PCDHGA3: variants seen among roughly 807,000 people sequenced by gnomAD.
The protein encoded by PCDHGA3 is protocadherin gamma subfamily A, 3.
A neutral mutation model predicts 58.5 loss-of-function variants in PCDHGA3; 40 were observed. The ratio of observed to expected loss-of-function variants is 0.68; its 90% CI spans 0.53 to 0.89. The LOEUF (loss-of-function observed/expected upper bound fraction) is 0.89. Among genes scored for constraint, PCDHGA3 ranks in the 40% least tolerant of loss-of-function variants. PCDHGA3 has a pLI of 0.00. For synonymous variants in PCDHGA3, 530 were observed against 525.7 expected (o/e 1.01, Z -0.11); for missense variants, 1,223 against 1,195.9 (o/e 1.02, Z -0.33).
chr5:141,374,277 G>A, intron 1 of PCDHGA3: 4 of 1,613,958 alleles, frequency 2.5e-6, no homozygotes, highest in Non-Finnish European at 3.4e-6. Context: ...CACGGAGTCC[G>A]CATCGTCTCC....
At chr5:141,392,625 C>T (rs939952294) in intron 1 of PCDHGA3, 4 of 567,662 alleles carry the variant, frequency 7.0e-6, no homozygotes, top group Non-Finnish European at 8.9e-6. Context: ...CGAAAACACT[C>T]AGATCTCACA....
At chr5:141,510,286 A>G (rs1011677966) in intron 3 of PCDHGA3, among the ~76,000 whole-genome samples, 1 of 151,770 alleles carries the variant, frequency 6.6e-6, no homozygotes, top group African/African-American at 2.4e-5. Flanking sequence ...AAAAAAAAAA[A>G]AAAAATGCTG....
At position 141,351,166 on chromosome 5, in the gene PCDHGA3, A is replaced by G. The variant is rs530140667; in HGVS notation, c.2424+4709A>G. The G allele has an allele frequency of 2.5e-6, 4 of 1,614,052 alleles. No homozygotes were observed. The East Asian group carries it at 6.7e-5, about 27-fold the overall frequency. On this transcript the variant is annotated intron_variant, in intron 1 of 3. Transcript: ENST00000253812. ...CTGGCGACATCACAACCAATGGCACATTGGATTTTGAAGAGACAAGTAGAT... is the reference window on the plus strand; with the variant it reads ...CTGGCGACATCACAACCAATGGCACGTTGGATTTTGAAGAGACAAGTAGAT...
At chr5:141,374,123 G>A (rs1770158708) in intron 1 of PCDHGA3, 2 of 1,602,040 alleles carry the variant, frequency 1.2e-6, no homozygotes, top group Non-Finnish European at 8.5e-7. Context: ...CAGCGAGCAG[G>A]TCCTGCTCCT....
intron 1 of PCDHGA3, among the ~76,000 whole-genome samples, chr5:141,347,178 T>TCTTTCTTC (rs1206614279): frequency 1.6e-4 from 23 of 146,636 alleles, no homozygotes; most frequent in African/African-American, 9.9e-5. Context: ...TTTCTTTCTT[T>TCTTTCTTC]CTTGACAGGG....
chr5:141,376,538 T>C, intron 1 of PCDHGA3: 1 of 1,613,126 alleles, frequency 6.2e-7, no homozygotes, highest in African/African-American at 1.3e-5. Flanking sequence ...GCGGGAAGAG[T>C]AATCTGATCT....
At chr5:141,381,949 C>T (rs897929706) in intron 1 of PCDHGA3, among the ~76,000 whole-genome samples, 2 of 150,880 alleles carry the variant, frequency 1.3e-5, no homozygotes, top group Non-Finnish European at 2.9e-5. Context: ...CCTGCCTCAG[C>T]CTCCTGAGTA....
rs2099748976 is a variant in PCDHGA3, at chr5:141,493,566, C to G, written c.2425-1241C>G. Among the ~76,000 whole-genome samples, 1 of 152,168 alleles carries G rather than the reference C, an allele frequency of 6.6e-6. No individual in the cohort carries two copies. Among genetic ancestry groups the G allele is most frequent in the African/African-American group, 2.4e-5 (1 of 41,436 alleles). ...TTTTGGAGATTGAGTTCCCCCAGCT[C>G]CGTTTCCTCCTATCACAATCACTGC... is the stretch of plus-strand genomic sequence containing the variant. On this transcript the variant is annotated intron_variant, in intron 1 of 3. Transcript: ENST00000253812. The surrounding 1 kb of genome is among the most constrained non-coding windows in gnomAD (Gnocchi z 4.3).
chr5:141,443,244 G>A (rs1277982376), intron 1 of PCDHGA3, among the ~76,000 whole-genome samples: 4 of 151,542 alleles, frequency 2.6e-5, no homozygotes, highest in African/African-American at 9.7e-5. Flanking sequence ...ACTTTGGGGC[G>A]CCAAGGCGGG....
At chr5:141,492,933 A>G (rs935580560) in intron 1 of PCDHGA3, among the ~76,000 whole-genome samples, 3 of 152,194 alleles carry the variant, frequency 2.0e-5, no homozygotes, top group Admixed American at 6.5e-5. Flanking sequence ...CTAGGGTCAG[A>G]GATTTGGAGG....
chr5:141,365,353 T>C lies in PCDHGA3; in HGVS notation c.2424+18896T>C, dbSNP rs565922694. On this transcript the variant is annotated intron_variant, in intron 1 of 3. Coordinates refer to ENST00000253812, the MANE Select transcript of PCDHGA3 (RefSeq NM_018916.4). ...TGGTGGTCACAGTACAGGACGTGAA[T>C]GACAATGCCCCCGAAGTGATCCTCA... 7.4e-6 allele frequency: 12 copies of C among 1,613,980 alleles called. No individual in the cohort carries two copies. In the African/African-American group the frequency reaches 1.3e-4, roughly 18 times the overall value.
intron 1 of PCDHGA3, among the ~76,000 whole-genome samples, chr5:141,482,899 T>C (rs1238389686): frequency 1.3e-5 from 2 of 152,076 alleles, no homozygotes; most frequent in Non-Finnish European, 2.9e-5. Context: ...TGGTGAAACC[T>C]CATCTCTATT....
chr5:141,382,567 T>G (rs1778294618), intron 1 of PCDHGA3, among the ~76,000 whole-genome samples: 1 of 152,132 alleles, frequency 6.6e-6, no homozygotes, highest in African/African-American at 2.4e-5. Context: ...AGCAAAGAAA[T>G]CTAACAGGGA....
chr5:141,478,364 G>A (rs1382073187), intron 1 of PCDHGA3: 2 of 1,613,660 alleles, frequency 1.2e-6, no homozygotes, highest in African/African-American at 2.7e-5. Flanking sequence ...CGTGCGGGGA[G>A]GCCTGATGTC....
At position 141,495,662 on chromosome 5, in the gene PCDHGA3, C is replaced by T. The variant is rs545912968; in HGVS notation, c.2483+797C>T. The stretch of plus-strand genomic sequence containing the variant: ...TTTGTCTACTTGCATTGATCTGTGC[C>T]GCCCACTGTGCCTGCCATGGCATAA... On this transcript the variant is annotated intron_variant, in intron 2 of 3. Coordinates refer to ENST00000253812, the MANE Select transcript of PCDHGA3 (RefSeq NM_018916.4). Among the ~76,000 whole-genome samples, 8 of 152,256 alleles carry T rather than the reference C, an allele frequency of 5.3e-5. No individual in the cohort carries two copies. In the South Asian group the frequency reaches 6.2e-4, roughly 12 times the overall value.
At chr5:141,390,486 G>A (rs1348752991) in intron 1 of PCDHGA3, 3 of 649,258 alleles carry the variant, frequency 4.6e-6, no homozygotes, top group Non-Finnish European at 7.7e-6. Context: ...ACATTTGTTT[G>A]TTTTTTAGCC....
chr5:141,454,081 T>C (rs1009599234), intron 1 of PCDHGA3, among the ~76,000 whole-genome samples: 2 of 152,198 alleles, frequency 1.3e-5, no homozygotes, highest in African/African-American at 4.8e-5. Flanking sequence ...ATGTTTTCAG[T>C]GAAATTTGAA....
Position 141,490,121 on chromosome 5 carries a change from G to A in PCDHGA3, c.2425-4686G>A. On this transcript the variant is annotated intron_variant, in intron 1 of 3. Coordinates refer to ENST00000253812, the MANE Select transcript of PCDHGA3 (RefSeq NM_018916.4). The surrounding 1 kb of genome is among the most constrained non-coding windows in gnomAD (Gnocchi z 5.4). Reference sequence around the variant, plus strand: ...TCTGAGGCAGTGCGGAACCTCTTTGGCCTAGACCCTAGCAGTGGGGCAATC... The same window carrying A: ...TCTGAGGCAGTGCGGAACCTCTTTGACCTAGACCCTAGCAGTGGGGCAATC... 1 of 1,614,256 alleles carries A rather than the reference G, an allele frequency of 6.2e-7. No individual in the cohort carries two copies. Among genetic ancestry groups the A allele is most frequent in the Non-Finnish European group, 8.5e-7 (1 of 1,180,052 alleles).
rs759160174 is a variant in PCDHGA3, at chr5:141,385,062, G to T, written c.2424+38605G>T. 2.1e-5 allele frequency: 34 copies of T among 1,614,044 alleles called. No homozygotes were observed. In the South Asian group the frequency reaches 3.4e-4, roughly 16 times the overall value. On this transcript the variant is annotated intron_variant, in intron 1 of 3. Transcript: ENST00000253812. ...CGCTCAGGCTGCGGCGCTGGCACAA[G>T]TCACGCCTGCTGCAGGCTTCAGAAG... is the stretch of plus-strand genomic sequence containing the variant.
Sources: allele counts gnomAD v4.1 joint callset (sites outside exome capture counted in the v4.1 genomes callset), GRCh38; gene constraint gnomAD v4.1.1; non-coding constraint Gnocchi (gnomAD v3.1); transcripts MANE v1.5; gene names NCBI Gene and HGNC (gene_info 2026-07-23, HGNC 2026-07-21).